Variants in SAV1 observed in about 807,000 individuals in gnomAD.
SAV1 encodes the protein salvador family WW domain containing protein 1.
SAV1 carries 23 observed loss-of-function variants against 47.3 expected under a neutral mutation model. That is an observed-to-expected ratio of 0.49 (90% CI 0.35 to 0.69). SAV1 has a LOEUF of 0.69. Among genes scored for constraint, SAV1 ranks in the 30% least tolerant of loss-of-function variants. The pLI, the probability that SAV1 is intolerant of heterozygous loss-of-function variation, is 0.01. For missense variants in SAV1, 448 were observed against 457.4 expected (o/e 0.98, Z 0.19); for synonymous variants, 155 against 159.2 (o/e 0.97, Z 0.20).
rs1299935571 is a variant in SAV1, at chr14:50,665,611, G to A, written c.103C>T (p.Pro35Ser). 6.3e-7 allele frequency: 1 copy of A among 1,596,858 alleles called. No individual in the cohort carries two copies. The highest frequency in any genetic ancestry group is 1.8e-5 in the Admixed American group (1 of 56,622). The change falls in exon 2 of 5, where the codon CCT becomes TCT. Residue 35 changes from proline (P) to serine (S), a missense_variant. By Grantham distance (74) the Pro-to-Ser change is moderately conservative. Coordinates refer to ENST00000324679, the MANE Select transcript of SAV1 (RefSeq NM_021818.4). ...ETSPLLRNLMPSFIRHGPTIP... is the reference protein window; with the variant it reads ...ETSPLLRNLMSSFIRHGPTIP... ...GTTGGACCATGCCGGATGAATGAAG[G>A]CATAAGATCTACAATAAAACAAAGG...
rs759426664 is a variant in SAV1 at position 50,639,353 on chromosome 14, T to C, written c.950+1397A>G. 3.1e-5 allele frequency among the ~76,000 whole-genome samples: 3 copies of C among 97,348 alleles called. No individual in the cohort carries two copies. The East Asian group carries it at 9.9e-4, about 32-fold the overall frequency. The allele number at this position is 97,348 out of a possible 152,430, so 63.9% of individuals were successfully genotyped here. A position where few individuals can be genotyped will look rare whatever the true frequency, so the allele number is the denominator to read the frequency against. On this transcript the variant is annotated intron_variant, in intron 4 of 4. Transcript: ENST00000324679. Reference sequence around the variant, plus strand: ...TTTTTTTTGCAAAAATGTCTCTTTTTGTTGTGATAATTGATTCTCATTATC... The same window carrying C: ...TTTTTTTTGCAAAAATGTCTCTTTTCGTTGTGATAATTGATTCTCATTATC...
intron 2 of SAV1, among the ~76,000 whole-genome samples, chr14:50,653,367 C>G (rs2039785545): frequency 6.6e-6 from 1 of 152,104 alleles, no homozygotes; most frequent in South Asian, 2.1e-4. Flanking sequence ...ACCCTTCTTT[C>G]CTATATGAAC....
chr14:50,666,095 C>T (rs1312298561), intron 1 of SAV1, among the ~76,000 whole-genome samples: 1 of 152,080 alleles, frequency 6.6e-6, no homozygotes, highest in African/African-American at 2.4e-5. Context: ...AATGCTACTC[C>T]CAAATATGTA....
At chr14:50,653,625 C>T (rs1418174169) in intron 2 of SAV1, among the ~76,000 whole-genome samples, 1 of 152,156 alleles carries the variant, frequency 6.6e-6, no homozygotes, top group East Asian at 1.9e-4. Context: ...AATCCCAGCA[C>T]TTTGGGAGGC....
At chr14:50,653,088 G>GT (rs2039783055) in intron 2 of SAV1, among the ~76,000 whole-genome samples, 1 of 151,952 alleles carries the variant, frequency 6.6e-6, no homozygotes, top group Non-Finnish European at 1.5e-5. Flanking sequence ...AAAACATTCT[G>GT]TACTCCTCAA....
At chr14:50,655,923 T>C (rs766958304) in intron 2 of SAV1, among the ~76,000 whole-genome samples, 27 of 152,076 alleles carry the variant, frequency 1.8e-4, no homozygotes, top group Admixed American at 7.9e-4. Context: ...CATATGCCTG[T>C]AATTCCAGCT....
At chr14:50,654,606 C>G (rs1284824278) in intron 2 of SAV1, among the ~76,000 whole-genome samples, 1 of 152,194 alleles carries the variant, frequency 6.6e-6, no homozygotes, top group African/African-American at 2.4e-5. Context: ...GACACAGAGA[C>G]ATGAAATGCG....
chr14:50,642,029 TAAAAAA>T (rs2039684256), intron 3 of SAV1, among the ~76,000 whole-genome samples: 1 of 151,946 alleles, frequency 6.6e-6, no homozygotes, highest in Non-Finnish European at 1.5e-5. Flanking sequence ...TACCCAGCCA[TAAAAAA>T]GAACAAGAGC....
Position 50,633,796 on chromosome 14 carries a change from A to AC in SAV1, c.*1386dup, listed in dbSNP as rs1566737951. The AC allele has an allele frequency of 6.5e-6, 1 of 153,594 alleles. No individual in the cohort carries two copies. Among genetic ancestry groups the AC allele is most frequent in the Non-Finnish European group, 1.5e-5 (1 of 68,694 alleles). The allele number at this position is 153,594 out of a possible 1,614,324, so 9.5% of individuals were successfully genotyped here. ...AAAAGTATATTTACATATTTACAACACATGTAAATATAACTGAAGAACTAC... is the reference window on the plus strand; with the variant it reads ...AAAAGTATATTTACATATTTACAACACCATGTAAATATAACTGAAGAACTAC... On this transcript the variant is annotated 3_prime_UTR_variant, in exon 5 of 5. Coordinates refer to ENST00000324679, the MANE Select transcript of SAV1 (RefSeq NM_021818.4).
At chr14:50,663,641 C>T (rs1027610158) in intron 2 of SAV1, among the ~76,000 whole-genome samples, 10 of 152,090 alleles carry the variant, frequency 6.6e-5, no homozygotes, top group African/African-American at 2.4e-4. Flanking sequence ...TCTGCTTTCT[C>T]CTAAACTCTA....
chr14:50,664,884 T>G, intron 2 of SAV1: 1 of 206,582 alleles, frequency 4.8e-6, no homozygotes, highest in Non-Finnish European at 9.5e-6. Context: ...TCAGCCCAAC[T>G]GGAGACATTA....
intron 4 of SAV1, chr14:50,637,835 C>G (rs2140247224): frequency 6.6e-6 from 1 of 152,496 alleles, no homozygotes. Context: ...CCTGGTGGTC[C>G]CTGCTCCTGG....
intron 3 of SAV1, among the ~76,000 whole-genome samples, chr14:50,643,651 T>C (rs1277460360): frequency 6.6e-6 from 1 of 152,164 alleles, no homozygotes; most frequent in Admixed American, 6.5e-5. Flanking sequence ...GCAACAATCA[T>C]TGCCACCTGA....
At chr14:50,648,306 A>G (rs2039739058) in intron 2 of SAV1, among the ~76,000 whole-genome samples, 1 of 152,182 alleles carries the variant, frequency 6.6e-6, no homozygotes, top group Non-Finnish European at 1.5e-5. Flanking sequence ...AGTTGACTAT[A>G]AGAGGACAAC....
At chr14:50,642,256 C>T (rs114684547) in intron 3 of SAV1, among the ~76,000 whole-genome samples, 1,765 of 152,052 alleles carry the variant, frequency 0.012, 31 homozygotes, top group African/African-American at 0.041. Flanking sequence ...AGGGACCGGG[C>T]GTGATGGCTC....
chr14:50,653,026 TA>T lies in SAV1; in HGVS notation c.536-8013del, dbSNP rs202195333. Reference sequence around the variant, plus strand: ...AGCCTGGGTGACAGAGGGAGACGTCTAAAAAAAAAGAAATTGAAAAAAAAAT... The same window carrying T: ...AGCCTGGGTGACAGAGGGAGACGTCTAAAAAAAAGAAATTGAAAAAAAAAT... On this transcript the variant is annotated intron_variant, in intron 2 of 4. Transcript: ENST00000324679. Among the ~76,000 whole-genome samples the T allele has an allele frequency of 1.4e-3, 205 of 145,624 alleles. 2 individuals are homozygous for T. The highest frequency in any genetic ancestry group is 9.6e-4 in the Admixed American group (14 of 14,520).
At position 50,650,656 on chromosome 14, in the gene SAV1, C is replaced by T. The variant is rs117268869; in HGVS notation, c.536-5642G>A. 2.0e-5 allele frequency among the ~76,000 whole-genome samples: 3 copies of T among 152,244 alleles called. No homozygotes were observed. The East Asian group carries it at 5.8e-4, about 29-fold the overall frequency. ...AACCAGATACCATATCATGAGAAGC[C>T]CATGAGTGAGGAATTGAGGCCTTCA... On this transcript the variant is annotated intron_variant, in intron 2 of 4. Coordinates refer to ENST00000324679, the MANE Select transcript of SAV1 (RefSeq NM_021818.4).
chr14:50,634,327 T>A lies in SAV1; in HGVS notation c.*856A>T. On this transcript the variant is annotated 3_prime_UTR_variant, in exon 5 of 5. Coordinates refer to ENST00000324679, the MANE Select transcript of SAV1 (RefSeq NM_021818.4). ...ACTTTCTCAACATGCTTTAAAAGGA[T>A]TCCTTATTTTGTTTTTATTTTTTTA... The A allele has an allele frequency of 3.6e-6, 1 of 279,112 alleles. No individual in the cohort carries two copies. The allele number at this position is 279,112 out of a possible 1,614,324, so 17.3% of individuals were successfully genotyped here.
chr14:50,639,831 TC>T (rs1375820314), intron 4 of SAV1, among the ~76,000 whole-genome samples: 5 of 152,108 alleles, frequency 3.3e-5, no homozygotes, highest in African/African-American at 7.2e-5. Context: ...CACATATTCT[TC>T]CAGATTTAAG....
Sources: allele counts gnomAD v4.1 joint callset (sites outside exome capture counted in the v4.1 genomes callset), GRCh38; gene constraint gnomAD v4.1.1; transcripts MANE v1.5; gene names NCBI Gene and HGNC (gene_info 2026-07-23, HGNC 2026-07-21).